Variants in USP13 observed in about 807,000 individuals in gnomAD.
The protein encoded by USP13 is ubiquitin carboxyl-terminal hydrolase 13.
A neutral mutation model predicts 107.8 loss-of-function variants in USP13; 68 were observed. The ratio of observed to expected loss-of-function variants is 0.63; its 90% confidence interval spans 0.52 to 0.77. The LOEUF (loss-of-function observed/expected upper bound fraction) is 0.77, where lower values mean the gene tolerates loss of function less well. Among genes scored for constraint, USP13 ranks in the 30% least tolerant of loss-of-function variants. USP13 has a pLI of 0.00. For synonymous variants in USP13, 377 were observed against 389.5 expected, an observed-to-expected ratio of 0.97 and a Z score of 0.38; for missense variants, 945 against 1,093.3, an observed-to-expected ratio of 0.86 and a Z score of 1.91.
In USP13 at chr3:179,717,274, G is replaced by C. The variant is rs80000342; in HGVS notation, c.806-2666G>C. Reference sequence around the variant, plus strand: ...AGGCCACTGAAAACTTTTTTTCTCTGACTACATATTTATAAATTCTTCCTG... The same window carrying C: ...AGGCCACTGAAAACTTTTTTTCTCTCACTACATATTTATAAATTCTTCCTG... On this transcript the variant is annotated intron_variant, in intron 6 of 20. Coordinates refer to ENST00000263966, the MANE Select transcript of USP13 (RefSeq NM_003940.3). 1.8e-4 allele frequency among the ~76,000 whole-genome samples: 28 copies of C among 152,236 alleles called. 1 individual carries two copies. The East Asian group carries it at 5.0e-3, about 27-fold the overall frequency.
chr3:179,683,544 G>A (rs1024265644), intron 2 of USP13, among the ~76,000 whole-genome samples: 2 of 152,170 alleles, frequency 1.3e-5, no homozygotes, highest in African/African-American at 4.8e-5. Flanking sequence ...TTACGTGGAT[G>A]GTAGCAGGCA....
rs1345740835 is a variant in USP13, at chr3:179,721,246, G to A, written c.901-156G>A. 2.6e-5 allele frequency among the ~76,000 whole-genome samples: 4 copies of A among 151,818 alleles called. No homozygotes were observed. The highest frequency in any genetic ancestry group is 9.7e-5 in the African/African-American group (4 of 41,110). On this transcript the variant is annotated intron_variant, in intron 7 of 20. Transcript: ENST00000263966. This position sits in a 1 kb window ranked among gnomAD's most constrained non-coding sequence, Gnocchi z 4.3. ...TTCACTTTGTTGTGCCACCATCACC[G>A]TCTCTCAGTCTTTTTTATTTGCATT...
chr3:179,658,024 C>T (rs1057309864), intron 1 of USP13, among the ~76,000 whole-genome samples: 10 of 152,038 alleles, frequency 6.6e-5, no homozygotes, highest in African/African-American at 1.2e-4. Flanking sequence ...TCCAGTGAGG[C>T]GAGTCTCTGG....
intron 9 of USP13, 133 bp downstream of exon 9, chr3:179,730,393 G>A (rs1435278570): frequency 3.4e-5 from 35 of 1,037,168 alleles, no homozygotes; most frequent in African/African-American, 6.5e-5. Context: ...AAATGAGAAT[G>A]TGTTACTTTT....
chr3:179,755,160 TTGAACAGCG>T (rs996773592), intron 15 of USP13, among the ~76,000 whole-genome samples: 17 of 152,262 alleles, frequency 1.1e-4, no homozygotes, highest in African/African-American at 4.1e-4. Flanking sequence ...AAAGGGGAAA[TTGAACAGCG>T]TGAGTTGGTT....
At chr3:179,670,567 G>A (rs1720719778) in intron 1 of USP13, among the ~76,000 whole-genome samples, 1 of 152,184 alleles carries the variant, frequency 6.6e-6, no homozygotes, top group East Asian at 1.9e-4. Flanking sequence ...CCTCCCTGAG[G>A]TTACACGCCG....
At chr3:179,716,796 T>C (rs1713128028) in intron 6 of USP13, among the ~76,000 whole-genome samples, 1 of 152,254 alleles carries the variant, frequency 6.6e-6, no homozygotes, top group African/African-American at 2.4e-5. Flanking sequence ...GGTTCATCTC[T>C]ATCTCTGTCT....
In USP13 at chr3:179,666,398, A is replaced by G. The variant is rs544403611; in HGVS notation, c.168+13005A>G. On this transcript the variant is annotated intron_variant, in intron 1 of 20. Coordinates refer to ENST00000263966, the MANE Select transcript of USP13 (RefSeq NM_003940.3). ...CTGTTCTTTGGAAGAAGCCTCAGTT[A>G]GTGTGAATTCTCTTTCTAGGTCCCC... 9.1e-4 allele frequency among the ~76,000 whole-genome samples: 139 copies of G among 152,310 alleles called. 1 individual carries two copies. Among genetic ancestry groups the G allele is most frequent in the Non-Finnish European group, 1.6e-3 (112 of 68,020 alleles).
chr3:179,691,674 G>A (rs1396577140), intron 3 of USP13, among the ~76,000 whole-genome samples: 1 of 152,072 alleles, frequency 6.6e-6, no homozygotes, highest in African/African-American at 2.4e-5. Context: ...CTTTGAGACT[G>A]TGCTAAATAT....
Position 179,736,370 on chromosome 3 carries a change from GTTGA to G in USP13, c.1255-3876_1255-3873del, listed in dbSNP as rs575320027. Reference sequence around the variant, plus strand: ...TAGGTGTGAAGTGAGCATATTAATAGTTGACCACGGGAATTAGTAAGACGTCCCC... The same window carrying G: ...TAGGTGTGAAGTGAGCATATTAATAGCCACGGGAATTAGTAAGACGTCCCC... On this transcript the variant is annotated intron_variant, in intron 10 of 20. Coordinates refer to ENST00000263966, the MANE Select transcript of USP13 (RefSeq NM_003940.3). Among the ~76,000 whole-genome samples, 16 of 152,312 alleles carry G rather than the reference GTTGA, an allele frequency of 1.1e-4. 1 individual carries two copies. In the South Asian group the frequency reaches 3.3e-3, roughly 32 times the overall value.
intron 4 of USP13, among the ~76,000 whole-genome samples, chr3:179,705,239 G>T (rs1712671282): frequency 6.6e-6 from 1 of 152,120 alleles, no homozygotes; most frequent in African/African-American, 2.4e-5. Flanking sequence ...TGCTACTCAG[G>T]GGAAAATGAT....
At chr3:179,762,923 C>T (rs1469278923) in intron 17 of USP13, among the ~76,000 whole-genome samples, 2 of 152,068 alleles carry the variant, frequency 1.3e-5, no homozygotes, top group Non-Finnish European at 2.9e-5. Flanking sequence ...TTTATCATAC[C>T]CATCCCAGTG....
intron 6 of USP13, among the ~76,000 whole-genome samples, chr3:179,716,754 C>A (rs1213105984): frequency 6.6e-6 from 1 of 152,168 alleles, no homozygotes; most frequent in East Asian, 1.9e-4. Flanking sequence ...CCATTTTGAT[C>A]TGGGTTCTTA....
intron 1 of USP13, among the ~76,000 whole-genome samples, chr3:179,654,334 A>G (rs892951263): frequency 1.1e-4 from 17 of 152,164 alleles, no homozygotes; most frequent in African/African-American, 4.1e-4. Flanking sequence ...GCCCTTCTAA[A>G]TGAGTCACTT....
At chr3:179,659,068 GC>G (rs1720377103) in intron 1 of USP13, among the ~76,000 whole-genome samples, 1 of 152,172 alleles carries the variant, frequency 6.6e-6, no homozygotes, top group Admixed American at 6.5e-5. Flanking sequence ...TTAAGAAGGA[GC>G]TTTTTTCCCA....
chr3:179,679,881 T>C (rs959100211), intron 1 of USP13, among the ~76,000 whole-genome samples: 1 of 143,158 alleles, frequency 7.0e-6, no homozygotes, highest in Admixed American at 7.5e-5. Flanking sequence ...AGAAATAATA[T>C]ACATATACAT....
At chr3:179,705,520 C>T (rs1712680866) in intron 4 of USP13, among the ~76,000 whole-genome samples, 1 of 152,152 alleles carries the variant, frequency 6.6e-6, no homozygotes, top group Admixed American at 6.5e-5. Flanking sequence ...TAAATGGAAT[C>T]ATGTAATATG....
intron 10 of USP13, 33 bp downstream of exon 10, chr3:179,730,742 T>C (rs758930197): frequency 6.3e-7 from 1 of 1,594,196 alleles, no homozygotes; most frequent in South Asian, 1.1e-5. Flanking sequence ...TGTTGACATG[T>C]AGGTAGGGAG....
At chr3:179,771,437 C>T (rs1467737158) in intron 19 of USP13, among the ~76,000 whole-genome samples, 1 of 152,214 alleles carries the variant, frequency 6.6e-6, no homozygotes, top group African/African-American at 2.4e-5. Context: ...ACAGGTTGAT[C>T]TCCTTCAAGC....
Sources: allele counts gnomAD v4.1 joint callset (sites outside exome capture counted in the v4.1 genomes callset), GRCh38; gene constraint gnomAD v4.1.1; non-coding constraint Gnocchi (gnomAD v3.1); transcripts MANE v1.5; gene names NCBI Gene and HGNC (gene_info 2026-07-23, HGNC 2026-07-21).